POLB: variants seen among roughly 807,000 people sequenced by gnomAD.
The protein encoded by POLB is DNA polymerase beta.
In POLB, 37 loss-of-function variants were observed where a neutral mutation model predicts 52.7. The ratio of observed to expected loss-of-function variants is 0.70; its 90% CI spans 0.54 to 0.92. POLB has a LOEUF of 0.92. Ranked by LOEUF, POLB falls within the 40% of genes least tolerant of loss-of-function variation. POLB has a pLI of 0.00. For synonymous variants in POLB, 138 were observed against 131.3 expected (o/e 1.05, Z -0.35); for missense variants, 313 against 400.8 (o/e 0.78, Z 1.87).
intron 11 of POLB, among the ~76,000 whole-genome samples, chr8:42,364,072 G>A (rs1031839818): frequency 6.6e-5 from 10 of 151,724 alleles, no homozygotes; most frequent in Non-Finnish European, 1.3e-4. Flanking sequence ...AATTTCAGGT[G>A]CCTGCCACCA....
At chr8:42,353,642 A>G (rs994227140) in intron 6 of POLB, among the ~76,000 whole-genome samples, 3 of 151,658 alleles carry the variant, frequency 2.0e-5, no homozygotes, top group Admixed American at 2.0e-4. Context: ...ATGTATACAT[A>G]TGGATTCATT....
intron 11 of POLB, among the ~76,000 whole-genome samples, chr8:42,368,528 A>G (rs1450968836): frequency 6.6e-6 from 1 of 152,128 alleles, no homozygotes; most frequent in African/African-American, 2.4e-5. Flanking sequence ...GGTGGTGCTT[A>G]TATCTTGTTT....
At chr8:42,358,782 A>G (rs910789608) in intron 9 of POLB, among the ~76,000 whole-genome samples, 4 of 152,184 alleles carry the variant, frequency 2.6e-5, no homozygotes, top group Admixed American at 2.6e-4. Context: ...ATCTACCACT[A>G]TTATGTCTCT....
intron 2 of POLB, chr8:42,342,630 T>G (rs1286495446): frequency 1.6e-6 from 1 of 644,168 alleles, no homozygotes; most frequent in Non-Finnish European, 2.8e-6. Context: ...TTTAACAAAG[T>G]CCATCCTGTG....
chr8:42,349,760 A>G (rs1206564434), intron 4 of POLB, among the ~76,000 whole-genome samples: 1 of 152,226 alleles, frequency 6.6e-6, no homozygotes, highest in Non-Finnish European at 1.5e-5. Flanking sequence ...GATAGTAATT[A>G]TATCACTTCT....
At chr8:42,355,002 T>A (rs1193644456) in intron 6 of POLB, among the ~76,000 whole-genome samples, 1 of 152,130 alleles carries the variant, frequency 6.6e-6, no homozygotes, top group African/African-American at 2.4e-5. Context: ...TAAACCACTA[T>A]AGTCAGTAAA....
chr8:42,339,251 T>G (rs1822044470), intron 2 of POLB, 182 bp downstream of exon 2: 1 of 610,146 alleles, frequency 1.6e-6, no homozygotes, highest in African/African-American at 1.8e-5. Context: ...TAGGATCAGT[T>G]CAGATAAGTT....
chr8:42,344,871 G>T (rs570223385), intron 2 of POLB, 82 bp from the exon 3 acceptor site: 1 of 814,160 alleles, frequency 1.2e-6, no homozygotes, highest in Non-Finnish European at 2.1e-6. Context: ...ATAGATATTT[G>T]CTTGTATATG....
chr8:42,346,149 T>C (rs1292966248), intron 3 of POLB, among the ~76,000 whole-genome samples: 1 of 152,108 alleles, frequency 6.6e-6, no homozygotes, highest in Non-Finnish European at 1.5e-5. Context: ...CTCAAACTCC[T>C]GACTTCAGGT....
At chr8:42,348,986 T>C in intron 3 of POLB, 30 bp from the exon 4 acceptor site, 1 of 1,297,016 alleles carries the variant, frequency 7.7e-7, no homozygotes, top group Non-Finnish European at 1.1e-6. Flanking sequence ...TATATTCATA[T>C]GACTTTTATA....
chr8:42,371,648 G>C lies in POLB; in HGVS notation c.999G>C (p.Arg333=), dbSNP rs1216512174. The part of the protein sequence containing the change: ...IQWKYREPKD[R]SE ...GGAAATACCGGGAACCCAAGGACCG[G>C]AGCGAATGAGGCCTGTATCCTCCCT... The change falls in exon 14 of 14, where the codon CGG becomes CGC. Residue 333 remains arginine (R), a synonymous_variant. Coordinates refer to ENST00000265421, the MANE Select transcript of POLB (RefSeq NM_002690.3). 6.2e-7 allele frequency: 1 copy of C among 1,600,844 alleles called. No homozygotes were observed. Among genetic ancestry groups the C allele is most frequent in the African/African-American group, 1.3e-5 (1 of 74,656 alleles).
intron 3 of POLB, among the ~76,000 whole-genome samples, chr8:42,345,575 A>C (rs896912825): frequency 3.3e-5 from 5 of 152,070 alleles, no homozygotes; most frequent in Admixed American, 3.3e-4. Context: ...CCTTATCTGA[A>C]ATGCTTGGGA....
At chr8:42,354,555 T>G (rs1177353403) in intron 6 of POLB, 24 of 958,394 alleles carry the variant, frequency 2.5e-5, no homozygotes, top group African/African-American at 3.4e-5. Context: ...ATGGAATTTT[T>G]TTTTGTTTTG....
chr8:42,370,459 A>G (rs932036200), intron 13 of POLB, among the ~76,000 whole-genome samples: 2 of 152,026 alleles, frequency 1.3e-5, no homozygotes, highest in African/African-American at 2.4e-5. Context: ...ACAGTATACT[A>G]TGTGGTTTAC....
At position 42,370,058 on chromosome 8, in the gene POLB, G is replaced by C. The variant is rs962547790; in HGVS notation, c.913+70G>C. ...GAAGGTTATTTTCAAAGATACTTTGGTTTAGCAAACCTTCTAATAACTATG... is the reference window on the plus strand; with the variant it reads ...GAAGGTTATTTTCAAAGATACTTTGCTTTAGCAAACCTTCTAATAACTATG... On this transcript the variant is annotated intron_variant, in intron 13 of 13. Transcript: ENST00000265421. The C allele has an allele frequency of 7.8e-6, 10 of 1,285,214 alleles. No homozygotes were observed. In the Admixed American group the frequency reaches 8.5e-5, roughly 11 times the overall value. The allele number at this position is 1,285,214 out of a possible 1,614,324, so 79.6% of individuals were successfully genotyped here.
chr8:42,349,198 G>A (rs76171502), intron 4 of POLB, 108 bp downstream of exon 4: 50 of 622,424 alleles, frequency 8.0e-5, no homozygotes, highest in Admixed American at 2.9e-4. Flanking sequence ...GAGACTCACA[G>A]GAAATGAGGT....
intron 11 of POLB, among the ~76,000 whole-genome samples, chr8:42,363,231 C>T (rs560357801): frequency 1.3e-5 from 2 of 151,494 alleles, no homozygotes; most frequent in East Asian, 1.9e-4. Context: ...GTAAATAACA[C>T]GTGTCATCAG....
chr8:42,354,478 C>T, intron 6 of POLB: 1 of 1,277,286 alleles, frequency 7.8e-7, no homozygotes, highest in Non-Finnish European at 1.0e-6. Flanking sequence ...CACTTTTAGA[C>T]TTAATATGGG....
intron 9 of POLB, chr8:42,357,847 C>T (rs1218014946): frequency 2.0e-5 from 3 of 153,512 alleles, no homozygotes; most frequent in African/African-American, 7.3e-5. Context: ...CTGCCTCAGC[C>T]TCCTGAGTAG....
Sources: gnomAD v4.1 joint callset for allele counts (sites outside exome capture counted in the v4.1 genomes callset) on GRCh38, gnomAD v4.1.1 for gene constraint, MANE v1.5 for transcripts, NCBI Gene and HGNC (gene_info 2026-07-23, HGNC 2026-07-21) for gene names.